VPS13B: variants seen among roughly 807,000 people sequenced by gnomAD.
VPS13B encodes intermembrane lipid transfer protein VPS13B.
In VPS13B, 285 loss-of-function variants were observed where a neutral mutation model predicts 426.4. The ratio of observed to expected loss-of-function variants is 0.67; its 90% CI spans 0.61 to 0.74. The LOEUF is 0.74. Ranked by LOEUF, VPS13B falls within the 30% of genes least tolerant of loss-of-function variation. The probability of loss-of-function intolerance (pLI) is 0.00; values close to 1 mark genes in which losing one functional copy is unlikely to be tolerated. For missense variants in VPS13B, 4,537 were observed against 4,782.6 expected, an observed-to-expected ratio of 0.95 and a Z score of 1.51; for synonymous variants, 1,676 against 1,676.4, an observed-to-expected ratio of 1.00 and a Z score of 0.01.
At chr8:99,434,682 G>A (rs964218585) in intron 22 of VPS13B, among the ~76,000 whole-genome samples, 5 of 152,142 alleles carry the variant, frequency 3.3e-5, no homozygotes, top group Non-Finnish European at 5.9e-5. Context: ...TCCTTTACAT[G>A]TTTCTTTTCT....
At chr8:99,151,090 A>G (rs1811053243) in intron 14 of VPS13B, among the ~76,000 whole-genome samples, 1 of 149,838 alleles carries the variant, frequency 6.7e-6, no homozygotes, top group South Asian at 2.1e-4. Context: ...GACATGTGTA[A>G]TGGTGTCTTA....
chr8:99,741,668 A>T (rs200402460), intron 39 of VPS13B, among the ~76,000 whole-genome samples: 7 of 152,276 alleles, frequency 4.6e-5, no homozygotes, highest in African/African-American at 1.7e-4. Context: ...GGATTAAGAA[A>T]CTCACTCAAA....
chr8:99,020,014 C>T (rs559985098), intron 2 of VPS13B, among the ~76,000 whole-genome samples: 18 of 152,250 alleles, frequency 1.2e-4, no homozygotes, highest in South Asian at 2.1e-4. Context: ...TGCTAGATCA[C>T]GTGATAATTC....
intron 39 of VPS13B, among the ~76,000 whole-genome samples, chr8:99,754,300 A>G (rs1810536127): frequency 6.6e-6 from 1 of 152,122 alleles, no homozygotes; most frequent in Non-Finnish European, 1.5e-5. Flanking sequence ...CCATTACCAG[A>G]ATACATTTTA....
At chr8:99,061,143 G>A (rs1407862714) in intron 3 of VPS13B, among the ~76,000 whole-genome samples, 2 of 152,002 alleles carry the variant, frequency 1.3e-5, no homozygotes, top group East Asian at 3.8e-4. Flanking sequence ...GTGTTATCTG[G>A]CATTAAAGAC....
At chr8:99,722,079 C>T (rs553399371) in intron 39 of VPS13B, among the ~76,000 whole-genome samples, 1 of 152,202 alleles carries the variant, frequency 6.6e-6, no homozygotes, top group African/African-American at 2.4e-5. Flanking sequence ...GGACTCTGCT[C>T]ACCTCTCCAA....
At chr8:99,653,162 T>G (rs1405096641) in intron 34 of VPS13B, among the ~76,000 whole-genome samples, 1 of 152,188 alleles carries the variant, frequency 6.6e-6, no homozygotes, top group African/African-American at 2.4e-5. Flanking sequence ...AATCTGAGTT[T>G]CAAGTGAGGT....
intron 24 of VPS13B, among the ~76,000 whole-genome samples, chr8:99,477,386 G>A (rs901619585): frequency 6.6e-6 from 1 of 152,074 alleles, no homozygotes; most frequent in Non-Finnish European, 1.5e-5. Context: ...TTTGTTGTAA[G>A]GAAGAGGAGC....
At chr8:99,122,843 T>C (rs2132521311) in intron 8 of VPS13B, among the ~76,000 whole-genome samples, 1 of 152,178 alleles carries the variant, frequency 6.6e-6, no homozygotes, top group East Asian at 1.9e-4. Context: ...CCAGACGTGG[T>C]GGCTCACGCC....
intron 40 of VPS13B, among the ~76,000 whole-genome samples, chr8:99,774,138 A>G (rs1187233048): frequency 2.6e-5 from 4 of 152,218 alleles, no homozygotes; most frequent in African/African-American, 9.6e-5. Context: ...GTGCTAATGT[A>G]AAATAAAGTT....
intron 17 of VPS13B, among the ~76,000 whole-genome samples, chr8:99,251,811 AT>A (rs1817524776): frequency 6.6e-6 from 1 of 151,698 alleles, no homozygotes; most frequent in Admixed American, 6.6e-5. Context: ...TTTTGGGTTC[AT>A]TTTTCTTCCC....
intron 19 of VPS13B, among the ~76,000 whole-genome samples, chr8:99,285,866 A>T (rs1819408643): frequency 6.6e-6 from 1 of 152,134 alleles, no homozygotes; most frequent in Non-Finnish European, 1.5e-5. Flanking sequence ...CCTTTTATTC[A>T]GTTCAGTATA....
intron 50 of VPS13B, 102 bp from the exon 51 acceptor site, chr8:99,823,730 T>C: frequency 7.8e-7 from 1 of 1,284,866 alleles, no homozygotes; most frequent in Non-Finnish European, 1.1e-6. Context: ...ATTGGTACTG[T>C]CCTGGCAGAC....
At chr8:99,852,688 C>G (rs1011582160) in intron 55 of VPS13B, among the ~76,000 whole-genome samples, 4 of 152,096 alleles carry the variant, frequency 2.6e-5, no homozygotes, top group African/African-American at 9.7e-5. Flanking sequence ...CTGCTTAGAG[C>G]AAGCCTTAAA....
At position 99,147,962 on chromosome 8, in the gene VPS13B, T is replaced by A; in HGVS notation, c.1965T>A (p.Ala655=). 6.2e-7 allele frequency: 1 copy of A among 1,613,828 alleles called. No individual in the cohort carries two copies. The highest frequency in any genetic ancestry group is 8.5e-7 in the Non-Finnish European group (1 of 1,179,828). The change falls in exon 14 of 62, where the codon GCT becomes GCA. Residue 655 remains alanine (A), a synonymous_variant. Coordinates refer to ENST00000357162, the MANE Select transcript of VPS13B (RefSeq NM_152564.5). ...LLKCTCTISM[A]EFNLLDHLLP... is the part of the protein sequence containing the mutation. The stretch of plus-strand genomic sequence containing the variant: ...AATGTACCTGCACAATTTCCATGGC[T>A]GAATTCAACTTGCTGGACCATTTAC...
At chr8:99,792,442 T>TAATC (rs79372526) in intron 43 of VPS13B, among the ~76,000 whole-genome samples, 33,985 of 151,940 alleles carry the variant, frequency 0.22, 4,530 homozygotes, top group East Asian at 0.44. Flanking sequence ...GATTTTTAGT[T>TAATC]AAGAGAGAAA....
At chr8:99,212,938 C>G (rs564400504) in intron 17 of VPS13B, among the ~76,000 whole-genome samples, 14 of 152,242 alleles carry the variant, frequency 9.2e-5, no homozygotes, top group Non-Finnish European at 1.6e-4. Flanking sequence ...TCATATACCC[C>G]CAAAATCTTA....
intron 21 of VPS13B, among the ~76,000 whole-genome samples, chr8:99,418,327 CTATTAGCCCA>C (rs1816151311): frequency 6.6e-6 from 1 of 151,862 alleles, no homozygotes; most frequent in Admixed American, 6.6e-5. Flanking sequence ...GATTTTTCTC[CTATTAGCCCA>C]TATTATTTAT....
chr8:99,026,433 CTGT>C (rs1842138341), intron 2 of VPS13B, among the ~76,000 whole-genome samples: 1 of 152,066 alleles, frequency 6.6e-6, no homozygotes, highest in African/African-American at 2.4e-5. Context: ...TATCCCGCAG[CTGT>C]TGTTCTGTAA....
Sources: allele counts gnomAD v4.1 joint callset (sites outside exome capture counted in the v4.1 genomes callset), GRCh38; gene constraint gnomAD v4.1.1; transcripts MANE v1.5; gene names NCBI Gene and HGNC (gene_info 2026-07-23, HGNC 2026-07-21).